DNAH7: variants seen among roughly 807,000 people sequenced by gnomAD.
The protein encoded by DNAH7 is dynein axonemal heavy chain 7.
DNAH7 carries 397 observed loss-of-function variants against 444.6 expected under a neutral mutation model. The observed-to-expected ratio is 0.89, with a 90% CI of 0.82 to 0.97. The LOEUF is 0.97. Among genes scored for constraint, DNAH7 ranks in the 50% least tolerant of loss-of-function variants. DNAH7 has a pLI of 0.00. For missense variants in DNAH7, 4,902 were observed against 4,800.8 expected (o/e 1.02, Z -0.62); for synonymous variants, 1,636 against 1,624.4 (o/e 1.01, Z -0.17).
At chr2:195,853,297 C>G in intron 46 of DNAH7, 46 bp downstream of exon 46, 1 of 1,544,954 alleles carries the variant, frequency 6.5e-7, no homozygotes, top group African/African-American at 1.4e-5. Flanking sequence ...GTTATATTGG[C>G]TGTGATGGGC....
At chr2:195,792,991 A>AT (rs1294454011) in intron 57 of DNAH7, among the ~76,000 whole-genome samples, 16 of 152,056 alleles carry the variant, frequency 1.1e-4, no homozygotes, top group Admixed American at 1.0e-3. Flanking sequence ...GTGCAGTGGG[A>AT]TGATCATGGC....
chr2:195,752,610 C>T (rs1693855630), intron 63 of DNAH7, among the ~76,000 whole-genome samples: 1 of 151,992 alleles, frequency 6.6e-6, no homozygotes, highest in South Asian at 2.1e-4. Context: ...AGAAATAGTC[C>T]CAGGACTCAG....
At chr2:195,766,762 T>C (rs1694606218) in intron 61 of DNAH7, among the ~76,000 whole-genome samples, 1 of 152,150 alleles carries the variant, frequency 6.6e-6, no homozygotes, top group South Asian at 2.1e-4. Context: ...GTAATTATTA[T>C]TCATTGTATG....
At chr2:195,809,894 G>A (rs202016970) in intron 51 of DNAH7, 23 bp from the exon 52 acceptor site, 6 of 1,470,078 alleles carry the variant, frequency 4.1e-6, no homozygotes, top group Non-Finnish European at 2.7e-6. Flanking sequence ...AGAAAATAAA[G>A]GAAATAAATA....
intron 15 of DNAH7, among the ~76,000 whole-genome samples, chr2:195,983,696 A>G (rs1692721697): frequency 6.6e-6 from 1 of 152,226 alleles, no homozygotes; most frequent in African/African-American, 2.4e-5. Context: ...TAGAAGTAAC[A>G]TGAGAAATGA....
intron 62 of DNAH7, 102 bp from the exon 63 acceptor site, chr2:195,754,616 T>G (rs1866451): frequency 0.85 from 1,001,404 of 1,180,344 alleles, 426,511 homozygotes; most frequent in South Asian, 0.88. Context: ...GCTCAGGTGA[T>G]CCTCTCACCT....
rs1426640627 is a variant in DNAH7 at position 195,982,737 on chromosome 2, A to G, written c.1833+1895T>C. The stretch of plus-strand genomic sequence containing the variant: ...CCAGGCACAGAAAGACAAACTTTGC[A>G]TGTTCACACTTATTTGTGATAGCTA... On this transcript the variant is annotated intron_variant, in intron 15 of 64. Transcript: ENST00000312428. Among the ~76,000 whole-genome samples the G allele has an allele frequency of 2.0e-5, 3 of 152,234 alleles. No homozygotes were observed. The East Asian group carries it at 5.8e-4, about 29-fold the overall frequency.
chr2:195,756,170 T>C lies in DNAH7; in HGVS notation c.11549A>G (p.Tyr3850Cys). ...SYPSLKPLGS[Y>C]VNDFLARLKF... is the part of the protein sequence containing the mutation. ...TAGTCTTGCAAGGAAGTCATTCACA[T>C]AGCTGCCAAGTGGTTTAAGGCTTGG... Residue 3850 changes from tyrosine to cysteine, a missense_variant, in exon 62 of 65, where the codon TAT becomes TGT. Transcript: ENST00000312428. 3.7e-6 allele frequency: 6 copies of C among 1,609,774 alleles called. No individual in the cohort carries two copies. The highest frequency in any genetic ancestry group is 4.2e-6 in the Non-Finnish European group (5 of 1,177,302).
intron 10 of DNAH7, among the ~76,000 whole-genome samples, chr2:196,006,627 AT>A (rs1165755113): frequency 6.6e-6 from 1 of 151,968 alleles, no homozygotes; most frequent in Non-Finnish European, 1.5e-5. Context: ...TGCAGATGAT[AT>A]GATCTTATAT....
At position 196,019,201 on chromosome 2, in the gene DNAH7, C is replaced by T. The variant is rs2375643; in HGVS notation, c.838G>A (p.Ala280Thr). ...TTAGTGTGCCACAAATCTAGTACAG[C>T]CAGCATTGTGGGGTTCATTGCATTC... ...HLNAMNPTML[A>T]VLDLWHTNFK... Residue 280 changes from alanine (A) to threonine (T), a missense_variant, in exon 9 of 65, where the codon GCT (alanine) becomes ACT (threonine). Transcript: ENST00000312428. 6.8e-3 allele frequency: 10,322 copies of T among 1,512,340 alleles called. 556 individuals carry two copies. In the African/African-American group the frequency reaches 0.12, roughly 17 times the overall value. The allele number at this position is 1,512,340 out of a possible 1,614,324, so 93.7% of individuals were successfully genotyped here.
intron 17 of DNAH7, among the ~76,000 whole-genome samples, chr2:195,967,435 G>T (rs1691557133): frequency 6.6e-6 from 1 of 152,092 alleles, no homozygotes. Context: ...TTTTATGTGT[G>T]CTTATTATTA....
chr2:195,765,939 G>T (rs546111036), intron 61 of DNAH7, among the ~76,000 whole-genome samples: 2 of 151,904 alleles, frequency 1.3e-5, no homozygotes, highest in African/African-American at 4.8e-5. Context: ...GTTTATTGCC[G>T]CACTACTCAC....
In DNAH7 at chr2:196,058,132, G is replaced by A. The variant is rs1371863961; in HGVS notation, c.16-16C>T. On this transcript the variant is annotated splice_polypyrimidine_tract_variant and intron_variant, in intron 1 of 64. Coordinates refer to ENST00000312428, the MANE Select transcript of DNAH7 (RefSeq NM_018897.3). ...CCGATTTATCCTGTATGAAAAACAT[G>A]AAAAAACAAAACTGTTTACTCCGTT... The A allele has an allele frequency of 6.4e-7, 1 of 1,564,690 alleles. No homozygotes were observed. The highest frequency in any genetic ancestry group is 8.6e-7 in the Non-Finnish European group (1 of 1,158,972).
intron 8 of DNAH7, 67 bp downstream of exon 8, chr2:196,024,362 T>C (rs1299726345): frequency 6.1e-6 from 6 of 979,988 alleles, no homozygotes; most frequent in Non-Finnish European, 8.8e-6. Flanking sequence ...GAAAATATAA[T>C]TGGTGATATA....
At chr2:195,876,918 G>A (rs937705227) in intron 36 of DNAH7, among the ~76,000 whole-genome samples, 2 of 152,026 alleles carry the variant, frequency 1.3e-5, no homozygotes, top group African/African-American at 4.8e-5. Flanking sequence ...CACAGCTACT[G>A]GGGAATACAC....
At chr2:195,755,101 A>C (rs1210120773) in intron 62 of DNAH7, among the ~76,000 whole-genome samples, 2 of 152,220 alleles carry the variant, frequency 1.3e-5, no homozygotes, top group Non-Finnish European at 1.5e-5. Context: ...GCATTGCTAC[A>C]CAATATATCA....
intron 7 of DNAH7, 74 bp downstream of exon 7, chr2:196,026,686 G>T: frequency 2.0e-6 from 2 of 1,007,332 alleles, no homozygotes; most frequent in Non-Finnish European, 2.9e-6. Flanking sequence ...TCAAGTATAG[G>T]TATTATTAAT....
chr2:195,933,998 T>C (rs78231510), intron 21 of DNAH7, among the ~76,000 whole-genome samples: 2,885 of 151,974 alleles, frequency 0.019, 95 homozygotes, highest in African/African-American at 0.065. Flanking sequence ...AAAACTTGAA[T>C]GCTAAGCTCA....
chr2:196,053,743 A>G (rs1278350499), intron 2 of DNAH7, among the ~76,000 whole-genome samples: 2 of 152,242 alleles, frequency 1.3e-5, no homozygotes, highest in Non-Finnish European at 2.9e-5. Flanking sequence ...CTTGGTGTCC[A>G]AAGCCTTCCT....
Sources: allele counts gnomAD v4.1 joint callset (sites outside exome capture counted in the v4.1 genomes callset), GRCh38; gene constraint gnomAD v4.1.1; transcripts MANE v1.5; gene names NCBI Gene and HGNC (gene_info 2026-07-23, HGNC 2026-07-21).